NWD2: variants seen among roughly 807,000 people sequenced by gnomAD.
NWD2 encodes NACHT and WD repeat domain containing 2.
A neutral mutation model predicts 132.7 loss-of-function variants in NWD2; 37 were observed. The ratio of observed to expected loss-of-function variants is 0.28; its 90% CI spans 0.21 to 0.37. NWD2 has a LOEUF of 0.37. Among genes scored for constraint, NWD2 ranks in the 10% least tolerant of loss-of-function variants. NWD2 has a pLI of 1.00. For synonymous variants in NWD2, 705 were observed against 803.0 expected, an observed-to-expected ratio of 0.88 and a Z score of 2.06; for missense variants, 1,592 against 2,122.4, an observed-to-expected ratio of 0.75 and a Z score of 4.91.
At chr4:37,366,693 A>G (rs552920204) in intron 3 of NWD2, among the ~76,000 whole-genome samples, 72 of 152,286 alleles carry the variant, frequency 4.7e-4, no homozygotes, top group African/African-American at 1.7e-3. Context: ...TGGAAAGATT[A>G]ACCAAAAGAA....
intron 1 of NWD2, among the ~76,000 whole-genome samples, chr4:37,313,353 TTGGGAGGGTGTA>T (rs201621656): frequency 0.16 from 23,494 of 150,996 alleles, 2,375 homozygotes; most frequent in South Asian, 0.33. Flanking sequence ...TGGTTTGGTC[TTGGGAGGGTGTA>T]TGTGTTGAGG....
Position 37,307,340 on chromosome 4 carries a change from T to C in NWD2, c.152-18596T>C, listed in dbSNP as rs575108183. ...GTCTAGTGGTAAATTCCCACAGTTT[T>C]GCTTGTCTGGGAGAGACATTGTTTC... On this transcript the variant is annotated intron_variant, in intron 1 of 6. Transcript: ENST00000309447. Among the ~76,000 whole-genome samples the C allele has an allele frequency of 1.0e-3, 157 of 151,318 alleles. 2 individuals are homozygous for C. Among genetic ancestry groups the C allele is most frequent in the Non-Finnish European group, 4.9e-4 (33 of 67,714 alleles).
At chr4:37,324,281 T>C (rs1719128216) in intron 1 of NWD2, among the ~76,000 whole-genome samples, 1 of 152,126 alleles carries the variant, frequency 6.6e-6, no homozygotes, top group African/African-American at 2.4e-5. Context: ...CTGTTTCTTA[T>C]ATTATTACAT....
chr4:37,379,081 A>G (rs1436069187), intron 3 of NWD2, among the ~76,000 whole-genome samples: 1 of 151,854 alleles, frequency 6.6e-6, no homozygotes, highest in Non-Finnish European at 1.5e-5. Context: ...ACCCCACTCA[A>G]CTCCCCCAAA....
At chr4:37,360,115 A>G (rs1719949932) in intron 3 of NWD2, among the ~76,000 whole-genome samples, 1 of 152,182 alleles carries the variant, frequency 6.6e-6, no homozygotes, top group African/African-American at 2.4e-5. Flanking sequence ...GATCACATCT[A>G]TAAATATGGG....
chr4:37,423,213 A>C (rs543051674), intron 3 of NWD2, among the ~76,000 whole-genome samples: 1 of 152,330 alleles, frequency 6.6e-6, no homozygotes, highest in South Asian at 2.1e-4. Context: ...GTTGGTGCCA[A>C]AAATATGACC....
intron 3 of NWD2, among the ~76,000 whole-genome samples, chr4:37,373,217 A>G (rs10856827): frequency 0.94 from 143,216 of 152,262 alleles, 67,421 homozygotes; most frequent in Middle Eastern, 0.98. Context: ...CAGGCACTCA[A>G]CTAGGATTTC....
In NWD2 at chr4:37,444,829, A is replaced by T. The variant is rs1437100049; in HGVS notation, c.2841A>T (p.Pro947=). 1 of 1,552,134 alleles carries T rather than the reference A, an allele frequency of 6.4e-7. No homozygotes were observed. The highest frequency in any genetic ancestry group is 2.4e-5 in the East Asian group (1 of 40,912). Residue 947 remains proline, a synonymous_variant, in exon 7 of 7, where the codon CCA becomes CCT. Coordinates refer to ENST00000309447, the MANE Select transcript of NWD2 (RefSeq NM_001144990.2). This position sits in a 1 kb window ranked among gnomAD's most constrained non-coding sequence, Gnocchi z 4.8. ...KDGPKYCSIV[P]LHSSMDVTYS... ...GGCCCAAATATTGCTCCATTGTACC[A>T]CTGCATTCATCCATGGATGTGACAT...
chr4:37,271,089 C>T (rs1427512030), intron 1 of NWD2, among the ~76,000 whole-genome samples: 1 of 151,786 alleles, frequency 6.6e-6, no homozygotes, highest in Admixed American at 6.6e-5. Context: ...CAGTCTTGTT[C>T]CATTGGTCAA....
At chr4:37,295,324 T>C (rs1001757874) in intron 1 of NWD2, among the ~76,000 whole-genome samples, 9 of 152,260 alleles carry the variant, frequency 5.9e-5, no homozygotes, top group African/African-American at 2.2e-4. Context: ...ACTTTGTGTT[T>C]GAACACCTCC....
rs1202577783 is a variant in NWD2 at position 37,443,349 on chromosome 4, T to A, written c.1361T>A (p.Leu454Gln). 6.4e-7 allele frequency: 1 copy of A among 1,551,690 alleles called. No homozygotes were observed. The highest frequency in any genetic ancestry group is 1.4e-5 in the African/African-American group (1 of 73,060). Residue 454 changes from leucine to glutamine, a missense_variant, in exon 7 of 7, where the codon CTA (leucine) becomes CAA (glutamine). Coordinates refer to ENST00000309447, the MANE Select transcript of NWD2 (RefSeq NM_001144990.2). The surrounding 1 kb of genome is among the most constrained non-coding windows in gnomAD (Gnocchi z 4.1). The part of the protein sequence containing the change: ...ESDPVVIVRF[L>Q]GTTDMSSDLR... ...GACCCAGTAGTCATCGTGAGATTTC[T>A]AGGAACGACAGACATGAGCTCTGAC...
intron 1 of NWD2, among the ~76,000 whole-genome samples, chr4:37,302,875 T>C (rs1181075701): frequency 6.6e-6 from 1 of 152,196 alleles, no homozygotes; most frequent in Non-Finnish European, 1.5e-5. Flanking sequence ...GGATGAATAG[T>C]TTACAAACAT....
chr4:37,401,818 C>A (rs1327820549), intron 3 of NWD2, among the ~76,000 whole-genome samples: 1 of 152,172 alleles, frequency 6.6e-6, no homozygotes, highest in Non-Finnish European at 1.5e-5. Flanking sequence ...GTTATTTTCC[C>A]ATCTGCAGTG....
chr4:37,324,427 T>C (rs1205992643), intron 1 of NWD2, among the ~76,000 whole-genome samples: 1 of 152,168 alleles, frequency 6.6e-6, no homozygotes, highest in East Asian at 1.9e-4. Flanking sequence ...TTTGAAAATC[T>C]AAGGGCTTTT....
intron 1 of NWD2, among the ~76,000 whole-genome samples, chr4:37,248,231 A>T (rs1285557158): frequency 6.6e-6 from 1 of 152,190 alleles, no homozygotes; most frequent in Non-Finnish European, 1.5e-5. Flanking sequence ...ACTGTCCAGC[A>T]TCTTCTGGCT....
chr4:37,419,564 A>T (rs1287962314), intron 3 of NWD2, among the ~76,000 whole-genome samples: 1 of 152,118 alleles, frequency 6.6e-6, no homozygotes, highest in Non-Finnish European at 1.5e-5. Context: ...GAAATAAACA[A>T]CCCCATCAAA....
chr4:37,334,816 G>A (rs1052061673), intron 2 of NWD2, among the ~76,000 whole-genome samples: 6 of 152,056 alleles, frequency 3.9e-5, no homozygotes, highest in African/African-American at 1.2e-4. Context: ...ATTTACATTG[G>A]TCTTAGTCAC....
At chr4:37,286,038 C>G (rs1718224878) in intron 1 of NWD2, among the ~76,000 whole-genome samples, 1 of 152,204 alleles carries the variant, frequency 6.6e-6, no homozygotes, top group Non-Finnish European at 1.5e-5. Flanking sequence ...CTTGCCAATG[C>G]AGATCCAAGG....
intron 3 of NWD2, among the ~76,000 whole-genome samples, chr4:37,376,801 A>G (rs1032021872): frequency 2.0e-5 from 3 of 152,134 alleles, no homozygotes; most frequent in Admixed American, 6.6e-5. Flanking sequence ...ATGGACCTCT[A>G]TTTATGCTTA....
Sources: gnomAD v4.1 joint callset for allele counts (sites outside exome capture counted in the v4.1 genomes callset) on GRCh38, gnomAD v4.1.1 for gene constraint, Gnocchi (gnomAD v3.1) non-coding constraint, MANE v1.5 for transcripts, NCBI Gene and HGNC (gene_info 2026-07-23, HGNC 2026-07-21) for gene names.